The following SEMA3A variants were observed in gnomAD, a reference collection of about 807,000 sequenced individuals.
SEMA3A encodes semaphorin 3A.
In SEMA3A, 29 loss-of-function variants were observed where a neutral mutation model predicts 97.9. The ratio of observed to expected loss-of-function variants is 0.30; its 90% CI spans 0.22 to 0.40. The LOEUF is 0.40. SEMA3A is among the 10% of genes least tolerant of loss of function. The pLI is 1.00. For synonymous variants in SEMA3A, 321 were observed against 323.7 expected (o/e 0.99, Z 0.09); for missense variants, 763 against 951.3 (o/e 0.80, Z 2.60).
At chr7:84,003,097 GAAT>G (rs1256781562) in intron 11 of SEMA3A, among the ~76,000 whole-genome samples, 1 of 151,968 alleles carries the variant, frequency 6.6e-6, no homozygotes, top group Non-Finnish European at 1.5e-5. Context: ...TGTCAACAAA[GAAT>G]AAATTATATG....
chr7:84,083,850 CT>C (rs1794242209), intron 4 of SEMA3A, among the ~76,000 whole-genome samples: 1 of 151,988 alleles, frequency 6.6e-6, no homozygotes, highest in Non-Finnish European at 1.5e-5. Flanking sequence ...GTTTTCAAAT[CT>C]TTCCCATTAA....
At chr7:84,421,461 A>C (rs1401860156) in intron 1 of SEMA3A, among the ~76,000 whole-genome samples, 1 of 152,066 alleles carries the variant, frequency 6.6e-6, no homozygotes, top group Non-Finnish European at 1.5e-5. Context: ...TAACTGTAGA[A>C]GTAAATATAA....
intron 3 of SEMA3A, among the ~76,000 whole-genome samples, chr7:84,128,696 A>G (rs1247480341): frequency 6.6e-6 from 1 of 152,186 alleles, no homozygotes; most frequent in African/African-American, 2.4e-5. Flanking sequence ...AATAGATGAC[A>G]GAGTAATAAA....
intron 1 of SEMA3A, among the ~76,000 whole-genome samples, chr7:84,137,444 C>T (rs78714730): frequency 9.3e-4 from 139 of 149,708 alleles, no homozygotes; most frequent in Admixed American, 2.1e-3. Flanking sequence ...CATTGGCATC[C>T]AAAAGATTAC....
intron 2 of SEMA3A, among the ~76,000 whole-genome samples, chr7:84,349,332 G>T (rs1802380966): frequency 1.3e-5 from 2 of 151,728 alleles, no homozygotes; most frequent in South Asian, 4.2e-4. Flanking sequence ...CAAATATTTT[G>T]GAAAACCTGC....
chr7:84,407,063 G>A (rs1415958480), intron 1 of SEMA3A, among the ~76,000 whole-genome samples: 1 of 152,098 alleles, frequency 6.6e-6, no homozygotes. Flanking sequence ...CAATCAGGCA[G>A]GAGAAGGAAA....
chr7:84,307,343 T>C (rs185517043), intron 2 of SEMA3A: 1 of 152,218 alleles, frequency 6.6e-6, no homozygotes, highest in Non-Finnish European at 1.5e-5. Flanking sequence ...ATCAAACAAT[T>C]ACCAATCAAT....
At chr7:84,321,865 G>A (rs1253106503) in intron 2 of SEMA3A, among the ~76,000 whole-genome samples, 1 of 35,156 alleles carries the variant, frequency 2.8e-5, no homozygotes, top group Non-Finnish European at 5.8e-5. Context: ...GACAGAGCGA[G>A]ACTACGGAAA....
intron 4 of SEMA3A, among the ~76,000 whole-genome samples, chr7:84,085,071 A>AT (rs35914657): frequency 4.0e-5 from 6 of 151,316 alleles, no homozygotes; most frequent in East Asian, 1.9e-4. Context: ...TGGTAAGAGA[A>AT]TTTTTTTTTT....
At chr7:84,445,492 T>TAAAAAAAAAAAAAAA (rs1805386298) in intron 1 of SEMA3A, among the ~76,000 whole-genome samples, 1 of 4,002 alleles carries the variant, frequency 2.5e-4, no homozygotes, top group Non-Finnish European at 3.8e-4. Context: ...AGACTCCATC[T>TAAAAAAAAAAAAAAA]CAAAAAAAAA....
intron 4 of SEMA3A, among the ~76,000 whole-genome samples, chr7:84,075,940 T>C (rs1233487041): frequency 6.6e-6 from 1 of 152,204 alleles, no homozygotes; most frequent in Non-Finnish European, 1.5e-5. Context: ...CCAGATTCTG[T>C]GCCTCATTGT....
intron 2 of SEMA3A, among the ~76,000 whole-genome samples, chr7:84,312,167 T>C (rs1801340541): frequency 6.6e-6 from 1 of 151,930 alleles, no homozygotes; most frequent in Non-Finnish European, 1.5e-5. Flanking sequence ...GTCACTAGAG[T>C]AGAAACCTGA....
intron 4 of SEMA3A, among the ~76,000 whole-genome samples, chr7:84,091,141 AAGGAAGGAAGGAAG>A (rs1794562540): frequency 4.3e-5 from 1 of 23,392 alleles, no homozygotes; most frequent in Non-Finnish European, 8.9e-5. Context: ...AGAAAGAAGG[AAGGAAGGAAGGAAG>A]GAAGGAAGGA....
At chr7:84,448,311 T>C (rs947019841) in intron 1 of SEMA3A, among the ~76,000 whole-genome samples, 14 of 152,102 alleles carry the variant, frequency 9.2e-5, no homozygotes, top group Admixed American at 2.6e-4. Context: ...GTAAGAGCAA[T>C]TGGGCAAAAA....
At chr7:84,388,206 T>C (rs1370295719) in intron 1 of SEMA3A, among the ~76,000 whole-genome samples, 5 of 152,120 alleles carry the variant, frequency 3.3e-5, no homozygotes, top group African/African-American at 1.2e-4. Flanking sequence ...TTAGCTCATA[T>C]AAGAAACATG....
At chr7:84,485,804 T>C (rs1220368275) in intron 1 of SEMA3A, among the ~76,000 whole-genome samples, 4 of 152,212 alleles carry the variant, frequency 2.6e-5, no homozygotes, top group Non-Finnish European at 5.9e-5. Flanking sequence ...TAGGGCTTAC[T>C]TTCAAGTAAT....
intron 3 of SEMA3A, among the ~76,000 whole-genome samples, chr7:84,112,027 A>G (rs1276561373): frequency 6.6e-6 from 1 of 152,176 alleles, no homozygotes; most frequent in African/African-American, 2.4e-5. Flanking sequence ...GCTTGGGCAG[A>G]GGAAAGAGGT....
chr7:84,032,619 C>T (rs1237110867), intron 6 of SEMA3A, among the ~76,000 whole-genome samples: 2 of 152,076 alleles, frequency 1.3e-5, no homozygotes, highest in East Asian at 1.9e-4. Flanking sequence ...AATTAGAATT[C>T]GTGCAAAACA....
chr7:84,047,089 G>C (rs1324676129), intron 5 of SEMA3A, among the ~76,000 whole-genome samples: 1 of 151,772 alleles, frequency 6.6e-6, no homozygotes, highest in Non-Finnish European at 1.5e-5. Context: ...TCAACCACAT[G>C]GCCTCATATA....
Sources: allele counts gnomAD v4.1 joint callset (sites outside exome capture counted in the v4.1 genomes callset), GRCh38; gene constraint gnomAD v4.1.1; transcripts MANE v1.5; gene names NCBI Gene and HGNC (gene_info 2026-07-23, HGNC 2026-07-21).